RAPGEF4: variants seen among roughly 807,000 people sequenced by gnomAD.
RAPGEF4 encodes Rap guanine nucleotide exchange factor 4.
A neutral mutation model predicts 147.9 loss-of-function variants in RAPGEF4; 66 were observed. The observed-to-expected ratio is 0.45, with a 90% confidence interval of 0.37 to 0.55. The LOEUF (loss-of-function observed/expected upper bound fraction) is 0.55. Among genes scored for constraint, RAPGEF4 ranks in the 20% least tolerant of loss-of-function variants. The pLI is 0.00. For synonymous variants in RAPGEF4, 419 were observed against 442.7 expected, an observed-to-expected ratio of 0.95 and a Z score of 0.67; for missense variants, 1,071 against 1,257.3, an observed-to-expected ratio of 0.85 and a Z score of 2.24.
chr2:173,014,136 C>A (rs1695285513), intron 17 of RAPGEF4, among the ~76,000 whole-genome samples: 2 of 152,110 alleles, frequency 1.3e-5, no homozygotes, highest in South Asian at 2.1e-4. Context: ...CATTACCACC[C>A]AGAGTAGCAA....
intron 5 of RAPGEF4, among the ~76,000 whole-genome samples, chr2:172,918,891 C>T (rs530550213): frequency 3.1e-4 from 47 of 152,266 alleles, no homozygotes; most frequent in African/African-American, 8.2e-4. Flanking sequence ...CACCCTCCCT[C>T]GCTGACCAGT....
At chr2:172,824,604 T>C (rs1302914698) in intron 4 of RAPGEF4, among the ~76,000 whole-genome samples, 1 of 152,214 alleles carries the variant, frequency 6.6e-6, no homozygotes, top group Non-Finnish European at 1.5e-5. Context: ...TGGGGTTTGT[T>C]CAAGGCTGTA....
chr2:172,882,072 T>A (rs1473564244), intron 4 of RAPGEF4, among the ~76,000 whole-genome samples: 1 of 152,248 alleles, frequency 6.6e-6, no homozygotes, highest in Admixed American at 6.5e-5. Context: ...CAGGGGACTG[T>A]TGATAATTAA....
chr2:172,987,944 T>G (rs1350060755), intron 12 of RAPGEF4, among the ~76,000 whole-genome samples: 1 of 152,258 alleles, frequency 6.6e-6, no homozygotes, highest in Non-Finnish European at 1.5e-5. Context: ...AGAAACAGAT[T>G]GCTGATAAAT....
chr2:172,976,680 TG>T (rs2105597367), intron 10 of RAPGEF4, among the ~76,000 whole-genome samples: 1 of 152,378 alleles, frequency 6.6e-6, no homozygotes, highest in African/African-American at 2.4e-5. Flanking sequence ...CTGGAATATT[TG>T]CTTTCTTACC....
intron 4 of RAPGEF4, chr2:172,894,022 T>C (rs1698210511): frequency 6.6e-6 from 1 of 152,576 alleles, no homozygotes; most frequent in Admixed American, 6.5e-5. Flanking sequence ...TTCATTTTTC[T>C]ATACAAAGAC....
chr2:173,017,530 G>T, intron 21 of RAPGEF4, 26 bp downstream of exon 21: 1 of 1,578,192 alleles, frequency 6.3e-7, no homozygotes, highest in Non-Finnish European at 8.7e-7. Context: ...CAACTAACTC[G>T]TAGTTGTATA....
At chr2:173,011,669 C>T (rs989043991) in intron 17 of RAPGEF4, among the ~76,000 whole-genome samples, 1 of 151,998 alleles carries the variant, frequency 6.6e-6, no homozygotes, top group Non-Finnish European at 1.5e-5. Flanking sequence ...ATCACCAGAA[C>T]CTAGCATGGT....
In RAPGEF4 at chr2:172,766,356, A is replaced by C. The variant is rs935808397; in HGVS notation, c.66-28669A>C. On this transcript the variant is annotated intron_variant, in intron 1 of 30. Coordinates refer to ENST00000397081, the MANE Select transcript of RAPGEF4 (RefSeq NM_007023.4). ...CCCTTGAGGCCGGGAGTTCGAGACC[A>C]GCCTAGCCAATACAGCGAAACCCCG... is the stretch of plus-strand genomic sequence containing the variant. Among the ~76,000 whole-genome samples, 11 of 152,276 alleles carry C rather than the reference A, an allele frequency of 7.2e-5. No individual in the cohort carries two copies. The South Asian group carries it at 1.9e-3, about 26-fold the overall frequency.
chr2:173,004,397 G>A (rs904684280), intron 17 of RAPGEF4, among the ~76,000 whole-genome samples: 1 of 151,976 alleles, frequency 6.6e-6, no homozygotes. Flanking sequence ...TTAAAATTGA[G>A]TTCAATTTTC....
chr2:173,015,531 G>A (rs909886531), intron 18 of RAPGEF4, among the ~76,000 whole-genome samples: 1 of 152,216 alleles, frequency 6.6e-6, no homozygotes, highest in Non-Finnish European at 1.5e-5. Context: ...GATGGACCGA[G>A]AGCATCCCTC....
At position 172,917,365 on chromosome 2, in the gene RAPGEF4, G is replaced by A. The variant is rs758294032; in HGVS notation, c.445-437G>A. 1.9e-4 allele frequency: 85 copies of A among 438,096 alleles called. 1 individual carries two copies. The highest frequency in any genetic ancestry group is 3.4e-4 in the Non-Finnish European group (76 of 222,474). 27.1% of individuals were successfully genotyped at this position (438,096 alleles called of 1,614,324 possible). On this transcript the variant is annotated intron_variant, in intron 4 of 30. Transcript: ENST00000397081. Reference sequence around the variant, plus strand: ...AAAAAAGACATTTTTCTCAAGATGCGTTTCTTTTTGCTTTGAAAGAAGCTG... The same window carrying A: ...AAAAAAGACATTTTTCTCAAGATGCATTTCTTTTTGCTTTGAAAGAAGCTG...
intron 22 of RAPGEF4, 140 bp from the exon 23 acceptor site, chr2:173,020,478 T>C: frequency 6.8e-6 from 5 of 730,214 alleles, no homozygotes; most frequent in Non-Finnish European, 1.2e-5. Flanking sequence ...ATTCCGTGGA[T>C]CCCTTCAGTA....
intron 5 of RAPGEF4, among the ~76,000 whole-genome samples, chr2:172,920,997 G>A (rs1684694739): frequency 6.6e-6 from 1 of 151,868 alleles, no homozygotes; most frequent in Admixed American, 6.6e-5. Context: ...TCCCAGGTGT[G>A]GATCAAAGCT....
At chr2:173,029,402 G>A (rs1460020343) in intron 25 of RAPGEF4, among the ~76,000 whole-genome samples, 1 of 152,116 alleles carries the variant, frequency 6.6e-6, no homozygotes, top group Non-Finnish European at 1.5e-5. Context: ...AAGAAGTTTG[G>A]GGTTTCTCTT....
chr2:172,795,735 A>G (rs192330592), intron 2 of RAPGEF4, among the ~76,000 whole-genome samples: 1 of 152,352 alleles, frequency 6.6e-6, no homozygotes, highest in Non-Finnish European at 1.5e-5. Context: ...ACAAGAAGAA[A>G]AAAAAATCAA....
intron 11 of RAPGEF4, among the ~76,000 whole-genome samples, chr2:172,984,598 C>A (rs1288932875): frequency 6.6e-6 from 1 of 152,206 alleles, no homozygotes; most frequent in Non-Finnish European, 1.5e-5. Context: ...TACCACTGCC[C>A]TTGCCATCCT....
chr2:173,020,716 G>A lies in RAPGEF4; in HGVS notation c.2253+1G>A. The A allele has an allele frequency of 1.2e-6, 2 of 1,612,084 alleles. No individual in the cohort carries two copies. Among genetic ancestry groups the A allele is most frequent in the East Asian group, 2.2e-5 (1 of 44,844 alleles). ...CCCGCGAGAGCAATTCGATTCACTGGTAGGTGTGGATGGCCTGCTCAGAGC... is the reference window on the plus strand; with the variant it reads ...CCCGCGAGAGCAATTCGATTCACTGATAGGTGTGGATGGCCTGCTCAGAGC... On this transcript the variant is annotated splice_donor_variant, in intron 23 of 30. Transcript: ENST00000397081. LOFTEE classifies it high-confidence loss of function.
intron 24 of RAPGEF4, 144 bp downstream of exon 24, chr2:173,026,841 A>C (rs1696709739): frequency 8.3e-7 from 1 of 1,199,700 alleles, no homozygotes; most frequent in Non-Finnish European, 1.2e-6. Flanking sequence ...TAAATAAAGC[A>C]TGCTATAAAG....
Sources: allele counts gnomAD v4.1 joint callset (sites outside exome capture counted in the v4.1 genomes callset), GRCh38; gene constraint gnomAD v4.1.1; transcripts MANE v1.5; gene names NCBI Gene and HGNC (gene_info 2026-07-23, HGNC 2026-07-21).